Variants in PTPRN2 observed in about 807,000 individuals in gnomAD.
PTPRN2 encodes the protein receptor-type tyrosine-protein phosphatase N2.
Under a neutral mutation model 118.8 loss-of-function variants are expected in PTPRN2, and 74 were observed. The observed-to-expected ratio is 0.62, with a 90% CI of 0.52 to 0.76. The LOEUF (loss-of-function observed/expected upper bound fraction) is 0.76. PTPRN2 is among the 30% of genes least tolerant of loss of function. The pLI, the probability that PTPRN2 is intolerant of heterozygous loss-of-function variation, is 0.00. For missense variants in PTPRN2, 1,481 were observed against 1,394.4 expected (o/e 1.06, Z -0.99); for synonymous variants, 641 against 608.0 (o/e 1.05, Z -0.80).
chr7:158,122,967 A>G (rs1172658895), intron 9 of PTPRN2, among the ~76,000 whole-genome samples: 1 of 152,146 alleles, frequency 6.6e-6, no homozygotes, highest in Non-Finnish European at 1.5e-5. Context: ...AGGACCCGCC[A>G]TGACCGACCC....
Position 157,591,112 on chromosome 7 carries a change from T to C in PTPRN2, c.2496+4126A>G, listed in dbSNP as rs763644543. Among the ~76,000 whole-genome samples, 11 of 151,978 alleles carry C rather than the reference T, an allele frequency of 7.2e-5. No individual in the cohort carries two copies. The highest frequency in any genetic ancestry group is 1.3e-4 in the Non-Finnish European group (9 of 68,000). On this transcript the variant is annotated intron_variant, in intron 17 of 22. Coordinates refer to ENST00000389418, the MANE Select transcript of PTPRN2 (RefSeq NM_002847.5). The surrounding 1 kb of genome is among the most constrained non-coding windows in gnomAD (Gnocchi z 4.4). Reference sequence around the variant, plus strand: ...GACATCCTTAGAAGAGGAGGGAAATTTGGACCCTGACATAAATCCACGGTG... The same window carrying C: ...GACATCCTTAGAAGAGGAGGGAAATCTGGACCCTGACATAAATCCACGGTG...
chr7:157,910,495 C>T (rs1390244129), intron 11 of PTPRN2, among the ~76,000 whole-genome samples: 2 of 151,222 alleles, frequency 1.3e-5, no homozygotes, highest in African/African-American at 4.9e-5. Flanking sequence ...TCCAGGATCA[C>T]GCATGTACGC....
intron 6 of PTPRN2, among the ~76,000 whole-genome samples, chr7:158,146,498 G>A (rs1052825874): frequency 6.6e-6 from 1 of 152,044 alleles, no homozygotes; most frequent in Non-Finnish European, 1.5e-5. Context: ...GAGGCATGCG[G>A]ATCACGAGGT....
intron 12 of PTPRN2, among the ~76,000 whole-genome samples, chr7:157,754,715 C>T (rs757100344): frequency 7.2e-5 from 11 of 152,204 alleles, no homozygotes; most frequent in Non-Finnish European, 1.2e-4. Context: ...ACTTGGCATG[C>T]GTGTTTTCTT....
chr7:158,373,456 T>G (rs1810262145), intron 2 of PTPRN2, among the ~76,000 whole-genome samples: 2 of 152,204 alleles, frequency 1.3e-5, no homozygotes, highest in Non-Finnish European at 2.9e-5. Context: ...AAGAAAGAAA[T>G]ATTTCTTTTT....
At chr7:157,812,394 G>GCA (rs1340534023) in intron 12 of PTPRN2, among the ~76,000 whole-genome samples, 24 of 141,620 alleles carry the variant, frequency 1.7e-4, no homozygotes, top group African/African-American at 6.3e-4. Flanking sequence ...GCATGAGGGA[G>GCA]GTGAGGGAGG....
chr7:158,066,067 G>A (rs1233815967), intron 11 of PTPRN2, among the ~76,000 whole-genome samples: 5 of 152,190 alleles, frequency 3.3e-5, no homozygotes, highest in East Asian at 1.9e-4. Flanking sequence ...CTGACATGAC[G>A]TTGTATGTTT....
chr7:158,407,261 T>C (rs541819205), intron 2 of PTPRN2, among the ~76,000 whole-genome samples: 43 of 36,872 alleles, frequency 1.2e-3, no homozygotes, highest in Admixed American at 2.1e-3. Flanking sequence ...TCCTGGGTCC[T>C]GGGTCCTGGG....
At chr7:158,534,362 G>A (rs566597422) in intron 1 of PTPRN2, among the ~76,000 whole-genome samples, 17 of 147,448 alleles carry the variant, frequency 1.2e-4, no homozygotes, top group South Asian at 8.8e-4. Context: ...GGCCACCCAC[G>A]CCCTGGGCTC....
At position 157,813,344 on chromosome 7, in the gene PTPRN2, G is replaced by A. The variant is rs1031825219; in HGVS notation, c.1788+85329C>T. Among the ~76,000 whole-genome samples the A allele has an allele frequency of 6.6e-5, 10 of 152,144 alleles. No individual in the cohort carries two copies. The highest frequency in any genetic ancestry group is 1.2e-4 in the Non-Finnish European group (8 of 68,026). ...AAGCCGGTGTGGCTAGGACAACAAA[G>A]ACCAAGGACAGCGGGGAACGGTGGG... On this transcript the variant is annotated intron_variant, in intron 12 of 22. Coordinates refer to ENST00000389418, the MANE Select transcript of PTPRN2 (RefSeq NM_002847.5). This position sits in a 1 kb window ranked among gnomAD's most constrained non-coding sequence, Gnocchi z 4.7.
chr7:157,754,910 A>G (rs1453336761), intron 12 of PTPRN2, among the ~76,000 whole-genome samples: 4 of 152,184 alleles, frequency 2.6e-5, no homozygotes, highest in African/African-American at 9.7e-5. Context: ...TTTGAGACAG[A>G]GTCTCACTCT....
At position 158,172,217 on chromosome 7, in the gene PTPRN2, C is replaced by T. The variant is rs183980572; in HGVS notation, c.550-4926G>A. Among the ~76,000 whole-genome samples, 293 of 152,272 alleles carry T rather than the reference C, an allele frequency of 1.9e-3. 2 individuals carry two copies. Among genetic ancestry groups the T allele is most frequent in the Non-Finnish European group, 3.6e-3 (248 of 68,024 alleles). On this transcript the variant is annotated intron_variant, in intron 5 of 22. Coordinates refer to ENST00000389418, the MANE Select transcript of PTPRN2 (RefSeq NM_002847.5). ...TCTGTGTAACTTGTGTAAGTTTGGA[C>T]CAGTTATCTAACCTCTTGAAGTCTC...
At chr7:157,704,574 G>A (rs1310866250) in intron 12 of PTPRN2, among the ~76,000 whole-genome samples, 3 of 152,168 alleles carry the variant, frequency 2.0e-5, no homozygotes, top group African/African-American at 7.2e-5. Flanking sequence ...GCTCTCCTGG[G>A]CACCCTACCA....
chr7:158,340,651 G>A (rs1158343949), intron 2 of PTPRN2, among the ~76,000 whole-genome samples: 40 of 86,012 alleles, frequency 4.7e-4, no homozygotes, highest in African/African-American at 1.5e-3. Flanking sequence ...AAGAGCTGAC[G>A]CCCGCAGACG....
intron 3 of PTPRN2, among the ~76,000 whole-genome samples, chr7:158,248,386 A>C (rs115134804): frequency 0.018 from 2,708 of 152,288 alleles, 84 homozygotes; most frequent in African/African-American, 0.061. Flanking sequence ...AGCCCTCCCA[A>C]GGGGCAGCCA....
intron 13 of PTPRN2, among the ~76,000 whole-genome samples, chr7:157,681,150 T>G (rs1212129789): frequency 6.6e-6 from 1 of 152,208 alleles, no homozygotes; most frequent in Non-Finnish European, 1.5e-5. Context: ...ACCTTTCCAT[T>G]CTATCAATAT....
intron 18 of PTPRN2, 95 bp from the exon 19 acceptor site, chr7:157,576,874 G>A: frequency 8.0e-7 from 1 of 1,245,002 alleles, no homozygotes; most frequent in Non-Finnish European, 1.1e-6. Flanking sequence ...CGTCTGACCA[G>A]AGAAGGGGGC....
At chr7:157,616,363 A>T (rs923381757) in intron 15 of PTPRN2, 3 of 152,256 alleles carry the variant, frequency 2.0e-5, no homozygotes, top group African/African-American at 7.2e-5. Flanking sequence ...TTGCAGTTGT[A>T]GTTCAGAGAT....
intron 9 of PTPRN2, among the ~76,000 whole-genome samples, chr7:158,115,798 A>G (rs1816682188): frequency 6.6e-6 from 1 of 152,180 alleles, no homozygotes; most frequent in Admixed American, 6.5e-5. Flanking sequence ...CCCAGGACAG[A>G]GGAAAGATCC....
Sources: allele counts gnomAD v4.1 joint callset (sites outside exome capture counted in the v4.1 genomes callset), GRCh38; gene constraint gnomAD v4.1.1; non-coding constraint Gnocchi (gnomAD v3.1); transcripts MANE v1.5; gene names NCBI Gene and HGNC (gene_info 2026-07-23, HGNC 2026-07-21).